FRMD4B: variants seen among roughly 807,000 people sequenced by gnomAD.
FRMD4B encodes FERM domain-containing protein 4B.
Under a neutral mutation model 141.5 loss-of-function variants are expected in FRMD4B, and 74 were observed. That is an observed-to-expected ratio of 0.52 (90% CI 0.43 to 0.63). FRMD4B has a LOEUF of 0.63. FRMD4B is among the 30% of genes least tolerant of loss of function. FRMD4B has a pLI of 0.00. For synonymous variants in FRMD4B, 506 were observed against 467.9 expected (o/e 1.08, Z -1.05); for missense variants, 1,366 against 1,253.4 (o/e 1.09, Z -1.36).
At chr3:69,196,686 T>C (rs1391375015) in intron 13 of FRMD4B, 3 of 577,572 alleles carry the variant, frequency 5.2e-6, no homozygotes, top group African/African-American at 1.9e-5. Flanking sequence ...CAAACGTGCA[T>C]GCCAAAAAGT....
intron 1 of FRMD4B, among the ~76,000 whole-genome samples, chr3:69,450,321 T>G (rs6785605): frequency 0.68 from 103,215 of 152,108 alleles, 35,621 homozygotes; most frequent in East Asian, 0.85. Flanking sequence ...CCAGGAATTA[T>G]AGATCAGCCT....
At chr3:69,254,491 C>G (rs1295031522) in intron 5 of FRMD4B, among the ~76,000 whole-genome samples, 1 of 152,120 alleles carries the variant, frequency 6.6e-6, no homozygotes, top group African/African-American at 2.4e-5. Flanking sequence ...CCATAGATTA[C>G]TTATTAATCA....
chr3:69,296,977 T>C (rs1309354827), intron 4 of FRMD4B, among the ~76,000 whole-genome samples: 2 of 152,336 alleles, frequency 1.3e-5, no homozygotes, highest in African/African-American at 4.8e-5. Flanking sequence ...TACAGACGTT[T>C]TTGTAAAATA....
intron 11 of FRMD4B, among the ~76,000 whole-genome samples, chr3:69,203,673 G>A (rs6781505): frequency 0.086 from 13,157 of 152,166 alleles, 576 homozygotes; most frequent in Middle Eastern, 0.11. Context: ...TCTGTAAAAT[G>A]GGACCACCAA....
chr3:69,254,079 C>A (rs73099848), intron 5 of FRMD4B, among the ~76,000 whole-genome samples: 16,384 of 151,804 alleles, frequency 0.11, 1,191 homozygotes, highest in East Asian at 0.32. Flanking sequence ...GACCCTGTCT[C>A]AAAAACAAAA....
intron 1 of FRMD4B, among the ~76,000 whole-genome samples, chr3:69,482,032 T>C (rs10510979): frequency 0.078 from 11,913 of 152,274 alleles, 675 homozygotes; most frequent in Admixed American, 0.17. Context: ...CTGCAACTAA[T>C]TGAATAAACA....
chr3:69,496,736 T>C (rs186681571), intron 1 of FRMD4B, among the ~76,000 whole-genome samples: 43 of 150,844 alleles, frequency 2.9e-4, no homozygotes, highest in African/African-American at 9.7e-4. Flanking sequence ...GGCCAAGTCA[T>C]ACTTAAAGCT....
chr3:69,363,668 C>T (rs566595365), intron 1 of FRMD4B, among the ~76,000 whole-genome samples: 4 of 151,414 alleles, frequency 2.6e-5, no homozygotes, highest in African/African-American at 9.7e-5. Flanking sequence ...GGATTACAGG[C>T]GTGAGCCACT....
chr3:69,210,644 G>A (rs1164794266), intron 11 of FRMD4B, among the ~76,000 whole-genome samples: 2 of 151,984 alleles, frequency 1.3e-5, no homozygotes, highest in Non-Finnish European at 2.9e-5. Flanking sequence ...CCTTTAATTT[G>A]CGTCACACCT....
chr3:69,330,907 G>A (rs1702348571), intron 1 of FRMD4B, among the ~76,000 whole-genome samples: 3 of 152,186 alleles, frequency 2.0e-5, no homozygotes, highest in African/African-American at 7.2e-5. Flanking sequence ...GGTGGAAGAT[G>A]TTTCCAACTT....
rs1445559149 is a variant in FRMD4B, at chr3:69,475,925, G to T, written c.-128-43164C>A. Among the ~76,000 whole-genome samples the T allele has an allele frequency of 2.0e-5, 3 of 151,854 alleles. No homozygotes were observed. The East Asian group carries it at 5.8e-4, about 29-fold the overall frequency. On this transcript the variant is annotated intron_variant, in intron 1 of 5. Transcript: ENST00000459638. ...AACTGGTGTGAGATGGTATTTCATT[G>T]TGGTTTTGATTTGCATTTCTCTGAT...
chr3:69,272,097 C>G (rs1474946557), intron 5 of FRMD4B, among the ~76,000 whole-genome samples: 1 of 152,166 alleles, frequency 6.6e-6, no homozygotes, highest in Non-Finnish European at 1.5e-5. Flanking sequence ...CAATATCAGT[C>G]TTCTGATGAT....
intron 1 of FRMD4B, among the ~76,000 whole-genome samples, chr3:69,491,365 A>G (rs1575589377): frequency 6.6e-6 from 1 of 152,184 alleles, no homozygotes; most frequent in East Asian, 1.9e-4. Context: ...GGAAGGAAGG[A>G]AGAGAAAGGA....
chr3:69,310,549 G>A (rs749382017), intron 3 of FRMD4B: 6 of 342,518 alleles, frequency 1.8e-5, no homozygotes, highest in East Asian at 1.0e-4. Flanking sequence ...GATACACACA[G>A]ACAAACACAC....
In FRMD4B at chr3:69,357,482, A is replaced by G. The variant is rs558382466; in HGVS notation, c.162+28346T>C. On this transcript the variant is annotated intron_variant, in intron 1 of 22. Coordinates refer to ENST00000398540, the MANE Select transcript of FRMD4B (RefSeq NM_015123.3). ...GCCTATAAAATACAAATTGTGACACAGTTGGATGATCACCTAACTGGTGAG... is the reference window on the plus strand; with the variant it reads ...GCCTATAAAATACAAATTGTGACACGGTTGGATGATCACCTAACTGGTGAG... Among the ~76,000 whole-genome samples, 4 of 152,330 alleles carry G rather than the reference A, an allele frequency of 2.6e-5. 1 individual carries two copies. In the South Asian group the frequency reaches 6.2e-4, roughly 24 times the overall value.
chr3:69,314,345 T>C (rs1019271412), intron 1 of FRMD4B, among the ~76,000 whole-genome samples: 1 of 145,288 alleles, frequency 6.9e-6, no homozygotes, highest in African/African-American at 2.6e-5. Flanking sequence ...CTGGACAACA[T>C]AGTGAAACCC....
chr3:69,228,051 A>G (rs1228174151), intron 7 of FRMD4B, among the ~76,000 whole-genome samples: 2 of 152,246 alleles, frequency 1.3e-5, no homozygotes, highest in Non-Finnish European at 2.9e-5. Context: ...AACGTGGGCA[A>G]TTTTGCCCCT....
chr3:69,470,762 T>C (rs1259109552), intron 1 of FRMD4B, among the ~76,000 whole-genome samples: 1 of 152,186 alleles, frequency 6.6e-6, no homozygotes, highest in East Asian at 1.9e-4. Context: ...GTGTCCTAAG[T>C]ACTTTTTCCC....
chr3:69,377,776 G>A (rs963962588), intron 1 of FRMD4B, among the ~76,000 whole-genome samples: 1 of 151,708 alleles, frequency 6.6e-6, no homozygotes. Context: ...CTGAATTCTA[G>A]TTCAACTTTT....
Sources: allele counts gnomAD v4.1 joint callset (sites outside exome capture counted in the v4.1 genomes callset), GRCh38; gene constraint gnomAD v4.1.1; transcripts MANE v1.5; gene names NCBI Gene and HGNC (gene_info 2026-07-23, HGNC 2026-07-21).